Variants in FBXO4 observed in about 807,000 individuals in gnomAD.
FBXO4 encodes F-box protein 4, also known as F-box only protein 4.
FBXO4 carries 36 observed loss-of-function variants against 43.7 expected under a neutral mutation model. The ratio of observed to expected loss-of-function variants is 0.82; its 90% CI spans 0.63 to 1.09. FBXO4 has a LOEUF of 1.09. Ranked by LOEUF, FBXO4 falls within the 50% of genes least tolerant of loss-of-function variation. The pLI is 0.00. For synonymous variants in FBXO4, 180 were observed against 165.6 expected (o/e 1.09, Z -0.67); for missense variants, 435 against 474.1 (o/e 0.92, Z 0.77).
the FBXO4 span, among the ~76,000 whole-genome samples, chr5:42,003,379 G>A: frequency 1.3e-5 from 2 of 152,140 alleles, no homozygotes; most frequent in African/African-American, 2.4e-5. Flanking sequence ...GGAGGGAAGA[G>A]CTATTCAAAT....
At chr5:41,960,163 T>C in the FBXO4 span, among the ~76,000 whole-genome samples, 2 of 152,090 alleles carry the variant, frequency 1.3e-5, no homozygotes, top group Admixed American at 6.5e-5. Context: ...ATTTACAGCT[T>C]TTTGTTAACG....
chr5:41,986,372 C>G, the FBXO4 span, among the ~76,000 whole-genome samples: 16 of 152,142 alleles, frequency 1.1e-4, no homozygotes, highest in Admixed American at 5.2e-4. Context: ...CAACTATTGA[C>G]TGTAAAATTG....
chr5:42,035,181 A>G, the FBXO4 span, among the ~76,000 whole-genome samples: 2 of 151,990 alleles, frequency 1.3e-5, no homozygotes, highest in African/African-American at 4.8e-5. Flanking sequence ...GTATCCTGAG[A>G]CTTTGCTGAA....
the FBXO4 span, among the ~76,000 whole-genome samples, chr5:41,984,252 T>C: frequency 1.3e-5 from 2 of 152,192 alleles, no homozygotes; most frequent in Non-Finnish European, 2.9e-5. Flanking sequence ...ATAAGTATTT[T>C]ACTTGGAAAA....
At chr5:42,015,121 G>A in the FBXO4 span, among the ~76,000 whole-genome samples, 1 of 152,112 alleles carries the variant, frequency 6.6e-6, no homozygotes, top group Non-Finnish European at 1.5e-5. Flanking sequence ...AGAGAATTTA[G>A]AAATGAGAAT....
chr5:41,996,874 C>A, the FBXO4 span, among the ~76,000 whole-genome samples: 1 of 152,194 alleles, frequency 6.6e-6, no homozygotes, highest in African/African-American at 2.4e-5. Context: ...CATCCTCTGG[C>A]ACACAAATGT....
chr5:42,005,757 T>A, the FBXO4 span, among the ~76,000 whole-genome samples: 8 of 152,128 alleles, frequency 5.3e-5, no homozygotes, highest in African/African-American at 1.9e-4. Context: ...CAACTGAGAA[T>A]TTTTAACCAA....
the FBXO4 span, among the ~76,000 whole-genome samples, chr5:41,996,968 G>C: frequency 6.6e-6 from 1 of 152,238 alleles, no homozygotes. Context: ...GGACCAGTGT[G>C]ACATCTTATG....
At chr5:41,953,972 T>C in the FBXO4 span, among the ~76,000 whole-genome samples, 6 of 152,184 alleles carry the variant, frequency 3.9e-5, no homozygotes, top group East Asian at 9.6e-4. Flanking sequence ...AAACTAGCAT[T>C]CTGGATTCAA....
the FBXO4 span, among the ~76,000 whole-genome samples, chr5:41,961,882 G>C: frequency 6.6e-6 from 1 of 152,202 alleles, no homozygotes; most frequent in Non-Finnish European, 1.5e-5. Context: ...TGACTGCTAG[G>C]AAACTCAATG....
chr5:41,937,288 AACAT>A (rs964089437), intron 5 of FBXO4, among the ~76,000 whole-genome samples: 1 of 152,218 alleles, frequency 6.6e-6, no homozygotes, highest in Non-Finnish European at 1.5e-5. Context: ...AAAAAATGAA[AACAT>A]ACATACAGGC....
the FBXO4 span, among the ~76,000 whole-genome samples, chr5:41,950,475 C>A: frequency 6.6e-6 from 1 of 152,208 alleles, no homozygotes; most frequent in East Asian, 1.9e-4. Context: ...CTCATCATCA[C>A]TGGTCATTAG....
At chr5:41,987,868 G>A in the FBXO4 span, among the ~76,000 whole-genome samples, 1 of 152,044 alleles carries the variant, frequency 6.6e-6, no homozygotes, top group African/African-American at 2.4e-5. Flanking sequence ...TACATTACTT[G>A]TCTGTTCTTG....
chr5:41,940,811 G>A (rs1283008314), intron 6 of FBXO4, among the ~76,000 whole-genome samples: 3 of 152,164 alleles, frequency 2.0e-5, no homozygotes, highest in Non-Finnish European at 2.9e-5. Context: ...AGGAGTGGCA[G>A]TCTTCAAGAC....
the FBXO4 span, among the ~76,000 whole-genome samples, chr5:42,015,879 T>C: frequency 3.3e-5 from 5 of 152,132 alleles, no homozygotes; most frequent in African/African-American, 9.7e-5. Flanking sequence ...CTGTGGTTAA[T>C]ACTAGAAATA....
intron 1 of FBXO4, among the ~76,000 whole-genome samples, chr5:41,925,884 C>T (rs1751478410): frequency 6.6e-6 from 1 of 152,202 alleles, no homozygotes; most frequent in Admixed American, 6.5e-5. Flanking sequence ...TCCCTGTTCC[C>T]AGCGTCTTTG....
the FBXO4 span, among the ~76,000 whole-genome samples, chr5:42,027,043 G>A: frequency 2.1e-4 from 32 of 151,680 alleles, no homozygotes; most frequent in African/African-American, 2.9e-4. Flanking sequence ...TTTTGGGATC[G>A]GGGTAATGCT....
At chr5:41,971,236 G>A in the FBXO4 span, among the ~76,000 whole-genome samples, 1 of 146,784 alleles carries the variant, frequency 6.8e-6, no homozygotes, top group East Asian at 1.9e-4. Flanking sequence ...GTGTGTGTAT[G>A]TGTGTGTGTG....
At chr5:42,023,111 A>G in the FBXO4 span, among the ~76,000 whole-genome samples, 1 of 152,128 alleles carries the variant, frequency 6.6e-6, no homozygotes, top group African/African-American at 2.4e-5. Context: ...TGTGGTGAAA[A>G]GAGAAGTGAA....
Sources: gnomAD v4.1 joint callset for allele counts (sites outside exome capture counted in the v4.1 genomes callset) on GRCh38, gnomAD v4.1.1 for gene constraint, MANE v1.5 for transcripts, NCBI Gene and HGNC (gene_info 2026-07-23, HGNC 2026-07-21) for gene names.